PRKAA2: variants seen among roughly 807,000 people sequenced by gnomAD.
The protein encoded by PRKAA2 is 5'-AMP-activated protein kinase catalytic subunit alpha-2.
PRKAA2 carries 40 observed loss-of-function variants against 56.3 expected under a neutral mutation model. The ratio of observed to expected loss-of-function variants is 0.71; its 90% CI spans 0.55 to 0.92. The LOEUF (loss-of-function observed/expected upper bound fraction) is 0.92. Among genes scored for constraint, PRKAA2 ranks in the 40% least tolerant of loss-of-function variants. PRKAA2 has a pLI of 0.00. For synonymous variants in PRKAA2, 214 were observed against 234.2 expected (o/e 0.91, Z 0.79); for missense variants, 542 against 686.9 (o/e 0.79, Z 2.36).
In PRKAA2 at chr1:56,710,848, A is replaced by T. The variant is rs1371365605; in HGVS notation, c.*3135A>T. 1 of 152,130 alleles carries T rather than the reference A, an allele frequency of 6.6e-6. No individual in the cohort carries two copies. Among genetic ancestry groups the T allele is most frequent in the Non-Finnish European group, 1.5e-5 (1 of 67,986 alleles). 9.4% of individuals were successfully genotyped at this position (152,130 alleles called of 1,614,324 possible). Reference sequence around the variant, plus strand: ...CTTATGGCTCAGTGGGTAATGAATCAGTGTCACTGATTCTTACTTTTAAAA... The same window carrying T: ...CTTATGGCTCAGTGGGTAATGAATCTGTGTCACTGATTCTTACTTTTAAAA... On this transcript the variant is annotated 3_prime_UTR_variant, in exon 9 of 9. Coordinates refer to ENST00000371244, the MANE Select transcript of PRKAA2 (RefSeq NM_006252.4).
intron 6 of PRKAA2, among the ~76,000 whole-genome samples, chr1:56,702,169 C>T (rs532984342): frequency 1.1e-3 from 164 of 152,042 alleles, no homozygotes; most frequent in African/African-American, 3.5e-3. Flanking sequence ...CCGCAACCTC[C>T]GCCTCCCAGG....
intron 2 of PRKAA2, among the ~76,000 whole-genome samples, chr1:56,684,869 G>C (rs1396591869): frequency 6.6e-6 from 1 of 152,136 alleles, no homozygotes; most frequent in Admixed American, 6.6e-5. Flanking sequence ...AACAAGGTTA[G>C]CTTTTTAAAA....
At chr1:56,692,154 C>T (rs546020040) in intron 3 of PRKAA2, among the ~76,000 whole-genome samples, 1 of 151,448 alleles carries the variant, frequency 6.6e-6, no homozygotes, top group South Asian at 2.1e-4. Context: ...GTCCCACTCT[C>T]CTGAGTAGCT....
At chr1:56,690,644 A>G (rs1375502061) in intron 2 of PRKAA2, among the ~76,000 whole-genome samples, 1 of 152,182 alleles carries the variant, frequency 6.6e-6, no homozygotes, top group African/African-American at 2.4e-5. Flanking sequence ...CGTATAGTTT[A>G]TCCTTTCCCT....
intron 2 of PRKAA2, among the ~76,000 whole-genome samples, chr1:56,687,784 G>A (rs548016104): frequency 2.0e-5 from 3 of 152,114 alleles, no homozygotes; most frequent in South Asian, 4.2e-4. Context: ...CCAAAAAGGT[G>A]TACTCATGAA....
intron 1 of PRKAA2, among the ~76,000 whole-genome samples, chr1:56,650,150 G>A (rs1646675862): frequency 6.6e-6 from 1 of 151,938 alleles, no homozygotes; most frequent in South Asian, 2.1e-4. Context: ...ATCAATTTAT[G>A]GACCAAAGTT....
At chr1:56,698,015 CAT>C (rs1333930807) in intron 6 of PRKAA2, among the ~76,000 whole-genome samples, 1 of 149,564 alleles carries the variant, frequency 6.7e-6, no homozygotes, top group Non-Finnish European at 1.5e-5. Context: ...AAATTTATGT[CAT>C]ATATATATTT....
intron 1 of PRKAA2, among the ~76,000 whole-genome samples, chr1:56,669,297 A>G (rs1483782271): frequency 6.6e-6 from 1 of 152,054 alleles, no homozygotes; most frequent in East Asian, 1.9e-4. Context: ...TGTCTCTATT[A>G]AAAATACAGA....
At chr1:56,692,620 G>A (rs7419053) in intron 4 of PRKAA2, 118 bp downstream of exon 4, 410,047 of 969,406 alleles carry the variant, frequency 0.42, 91,495 homozygotes, top group Non-Finnish European at 0.46. Flanking sequence ...AAAGGAATTA[G>A]CTGAAATCTC....
chr1:56,702,893 G>A (rs1644306437), intron 6 of PRKAA2, among the ~76,000 whole-genome samples: 1 of 152,106 alleles, frequency 6.6e-6, no homozygotes, highest in African/African-American at 2.4e-5. Flanking sequence ...TTTAATCTCT[G>A]TGCAGCTAAA....
chr1:56,669,774 A>C (rs1238598792), intron 1 of PRKAA2, among the ~76,000 whole-genome samples: 1 of 152,218 alleles, frequency 6.6e-6, no homozygotes, highest in Non-Finnish European at 1.5e-5. Flanking sequence ...GTTACCTTAA[A>C]AAATGAAATT....
intron 1 of PRKAA2, 138 bp from the exon 2 acceptor site, chr1:56,674,243 A>G (rs1557550378): frequency 1.6e-6 from 1 of 624,246 alleles, no homozygotes; most frequent in Non-Finnish European, 2.5e-6. Flanking sequence ...AGAAGTAAAA[A>G]GAACTGTAGT....
chr1:56,691,234 C>T (rs186177381), intron 2 of PRKAA2, among the ~76,000 whole-genome samples, 160 bp from the exon 3 acceptor site: 103 of 152,194 alleles, frequency 6.8e-4, no homozygotes, highest in Non-Finnish European at 4.7e-4. Context: ...TGTAATGGTC[C>T]GTGTTTATTG....
intron 2 of PRKAA2, among the ~76,000 whole-genome samples, chr1:56,689,527 G>C (rs1162000351): frequency 6.6e-6 from 1 of 152,022 alleles, no homozygotes; most frequent in African/African-American, 2.4e-5. Context: ...AGACCAGCCT[G>C]GCCAACATGG....
At chr1:56,705,770 T>C (rs961156565) in intron 7 of PRKAA2, among the ~76,000 whole-genome samples, 2 of 152,206 alleles carry the variant, frequency 1.3e-5, no homozygotes, top group Non-Finnish European at 1.5e-5. Context: ...CAAATTAGAA[T>C]TGATGTTTTA....
At chr1:56,672,200 C>A (rs1418860133) in intron 1 of PRKAA2, among the ~76,000 whole-genome samples, 1 of 152,112 alleles carries the variant, frequency 6.6e-6, no homozygotes, top group African/African-American at 2.4e-5. Context: ...TTACTACAAC[C>A]TCCGCCTCCC....
intron 1 of PRKAA2, among the ~76,000 whole-genome samples, chr1:56,652,830 A>G (rs1476085904): frequency 1.3e-5 from 2 of 152,240 alleles, no homozygotes; most frequent in Non-Finnish European, 2.9e-5. Flanking sequence ...TTCCATTGAA[A>G]TGCCTTCAGT....
At chr1:56,707,376 C>T (rs965945238) in intron 8 of PRKAA2, 99 bp from the exon 9 acceptor site, 37 of 971,254 alleles carry the variant, frequency 3.8e-5, no homozygotes, top group Middle Eastern at 2.5e-4. Flanking sequence ...TGCCCTTGCT[C>T]AGATGTGTTT....
intron 2 of PRKAA2, among the ~76,000 whole-genome samples, chr1:56,677,305 C>A (rs1309498951): frequency 6.6e-6 from 1 of 152,176 alleles, no homozygotes. Context: ...GACTTCAACT[C>A]TGTATTATTC....
Sources: gnomAD v4.1 joint callset for allele counts (sites outside exome capture counted in the v4.1 genomes callset) on GRCh38, gnomAD v4.1.1 for gene constraint, MANE v1.5 for transcripts, NCBI Gene and HGNC (gene_info 2026-07-23, HGNC 2026-07-21) for gene names.